GPBP1L1: variants seen among roughly 807,000 people sequenced by gnomAD.
GPBP1L1 encodes GC-rich promoter binding protein 1 like 1, also known as vasculin-like protein 1.
In GPBP1L1, 23 loss-of-function variants were observed where a neutral mutation model predicts 52.5. The observed-to-expected ratio is 0.44, with a 90% CI of 0.32 to 0.62. GPBP1L1 has a LOEUF of 0.62. GPBP1L1 is among the 20% of genes least tolerant of loss of function. The probability of loss-of-function intolerance (pLI) is 0.06; values close to 1 mark genes in which losing one functional copy is unlikely to be tolerated. For missense variants in GPBP1L1, 596 were observed against 579.3 expected, an observed-to-expected ratio of 1.03 and a Z score of -0.30; for synonymous variants, 243 against 203.1, an observed-to-expected ratio of 1.20 and a Z score of -1.67.
intron 11 of GPBP1L1, among the ~76,000 whole-genome samples, chr1:45,629,937 G>A (rs1046352345): frequency 6.6e-6 from 1 of 151,736 alleles, no homozygotes; most frequent in African/African-American, 2.4e-5. Context: ...GGAAGAAAGA[G>A]AGCACTTGCA....
At chr1:45,640,118 A>T (rs978730654) in intron 8 of GPBP1L1, 92 bp downstream of exon 8, 54 of 911,258 alleles carry the variant, frequency 5.9e-5, no homozygotes, top group Non-Finnish European at 9.2e-5. Context: ...CTGGTGACTG[A>T]TGCGGCAAGA....
At chr1:45,673,276 A>G (rs987798382) in intron 2 of GPBP1L1, among the ~76,000 whole-genome samples, 2 of 152,222 alleles carry the variant, frequency 1.3e-5, no homozygotes, top group African/African-American at 2.4e-5. Context: ...AGTAGACAGC[A>G]AGACCTTCAG....
chr1:45,646,582 A>G (rs1644749532), intron 6 of GPBP1L1, among the ~76,000 whole-genome samples: 1 of 149,486 alleles, frequency 6.7e-6, no homozygotes, highest in Non-Finnish European at 1.5e-5. Context: ...TTTGAGACGG[A>G]GTCTCACTCT....
chr1:45,684,424 T>G (rs914553221), intron 2 of GPBP1L1, among the ~76,000 whole-genome samples: 1 of 152,098 alleles, frequency 6.6e-6, no homozygotes, highest in African/African-American at 2.4e-5. Flanking sequence ...TGTCTTATCT[T>G]TAACTCAAAA....
At chr1:45,653,984 C>T (rs1250219238) in intron 6 of GPBP1L1, among the ~76,000 whole-genome samples, 1 of 151,954 alleles carries the variant, frequency 6.6e-6, no homozygotes, top group African/African-American at 2.4e-5. Flanking sequence ...CAAGCATGAG[C>T]CACCGAGCCC....
chr1:45,651,350 T>C, intron 6 of GPBP1L1: 1 of 376,702 alleles, frequency 2.7e-6, no homozygotes, highest in Non-Finnish European at 5.1e-6. Flanking sequence ...GGGATCCATG[T>C]CATATGCAAT....
At chr1:45,649,215 A>G (rs1436600659) in intron 6 of GPBP1L1, among the ~76,000 whole-genome samples, 2 of 152,190 alleles carry the variant, frequency 1.3e-5, no homozygotes, top group African/African-American at 4.8e-5. Flanking sequence ...AAGTTGCAGG[A>G]CTTGATGCCA....
intron 2 of GPBP1L1, among the ~76,000 whole-genome samples, chr1:45,675,594 T>C (rs999894482): frequency 1.3e-5 from 2 of 152,160 alleles, no homozygotes; most frequent in African/African-American, 2.4e-5. Context: ...TAGGCTGGAG[T>C]GCAGTGGCAC....
intron 6 of GPBP1L1, among the ~76,000 whole-genome samples, chr1:45,650,025 C>T (rs1644801976): frequency 6.6e-6 from 1 of 152,110 alleles, no homozygotes; most frequent in Non-Finnish European, 1.5e-5. Flanking sequence ...CTTGTTAGGA[C>T]CTCTAATACA....
At chr1:45,662,809 T>C (rs764975401) in intron 2 of GPBP1L1, among the ~76,000 whole-genome samples, 1 of 152,078 alleles carries the variant, frequency 6.6e-6, no homozygotes, top group Non-Finnish European at 1.5e-5. Context: ...CCCAGCACTT[T>C]GGGAGACCGA....
intron 6 of GPBP1L1, among the ~76,000 whole-genome samples, chr1:45,644,532 T>A (rs1644716190): frequency 6.6e-6 from 1 of 150,530 alleles, no homozygotes; most frequent in Non-Finnish European, 1.5e-5. Flanking sequence ...ACCCCAAAAC[T>A]ACTCATACTT....
In GPBP1L1 at chr1:45,686,501, CA is replaced by C. The variant is rs752841307; in HGVS notation, c.-1233del. The C allele has an allele frequency of 2.0e-5, 3 of 152,454 alleles. No homozygotes were observed. Among genetic ancestry groups the C allele is most frequent in the Non-Finnish European group, 4.4e-5 (3 of 68,224 alleles). 9.4% of individuals were successfully genotyped at this position (152,454 alleles called of 1,614,324 possible). A position where few individuals can be genotyped will look rare whatever the true frequency, so the allele number is the denominator to read the frequency against. On this transcript the variant is annotated 5_prime_UTR_variant, in exon 1 of 13. It removes the in-frame stop codon of an upstream open reading frame in the 5' UTR. Coordinates refer to ENST00000355105, the MANE Select transcript of GPBP1L1 (RefSeq NM_021639.5). ...CGACCCGGCAGAGGCGGCTAGTCCA[CA>C]ACCATAACAAAGCTCTTCCCAAAAT...
At chr1:45,640,097 T>C in intron 8 of GPBP1L1, 113 bp downstream of exon 8, 1 of 749,822 alleles carries the variant, frequency 1.3e-6, no homozygotes, top group South Asian at 1.9e-5. Context: ...TAACAGGTAC[T>C]GAAAGAATAT....
chr1:45,641,435 CAT>C (rs902156857), intron 7 of GPBP1L1, among the ~76,000 whole-genome samples: 5 of 151,308 alleles, frequency 3.3e-5, no homozygotes, highest in African/African-American at 1.2e-4. Context: ...AAACCACAAA[CAT>C]ATATATACAC....
chr1:45,630,672 T>G (rs1644518875), intron 10 of GPBP1L1, 66 bp from the exon 11 acceptor site: 2 of 1,562,384 alleles, frequency 1.3e-6, no homozygotes, highest in Admixed American at 1.8e-5. Flanking sequence ...AAGCAACCTA[T>G]GAAATCAAGG....
chr1:45,673,793 A>G (rs1332292955), intron 2 of GPBP1L1, among the ~76,000 whole-genome samples: 1 of 152,214 alleles, frequency 6.6e-6, no homozygotes, highest in Non-Finnish European at 1.5e-5. Context: ...CGGGAGACAG[A>G]GGTTGCACTG....
intron 2 of GPBP1L1, among the ~76,000 whole-genome samples, 167 bp downstream of exon 2, chr1:45,685,409 A>C (rs1291942321): frequency 6.6e-6 from 1 of 152,248 alleles, no homozygotes; most frequent in Non-Finnish European, 1.5e-5. Flanking sequence ...TCAATGTTAA[A>C]AATATTTCAA....
intron 6 of GPBP1L1, among the ~76,000 whole-genome samples, chr1:45,645,139 T>A (rs1308788085): frequency 6.6e-6 from 1 of 152,222 alleles, no homozygotes; most frequent in East Asian, 1.9e-4. Flanking sequence ...GTTATCTAGT[T>A]TGAAAAAATA....
At chr1:45,630,432 G>C in intron 11 of GPBP1L1, 50 bp downstream of exon 11, 1 of 1,597,468 alleles carries the variant, frequency 6.3e-7, no homozygotes, top group Non-Finnish European at 8.5e-7. Flanking sequence ...GTATGTTCAA[G>C]GTCCTTAAAG....
Sources: gnomAD v4.1 joint callset for allele counts (sites outside exome capture counted in the v4.1 genomes callset) on GRCh38, gnomAD v4.1.1 for gene constraint, MANE v1.5 for transcripts, NCBI Gene and HGNC (gene_info 2026-07-23, HGNC 2026-07-21) for gene names.